Variants in NR1D2 observed in about 807,000 individuals in gnomAD.
NR1D2 encodes nuclear receptor subfamily 1 group D member 2, also known as V-erbA-related protein 1-related.
Under a neutral mutation model 52.2 loss-of-function variants are expected in NR1D2, and 25 were observed. The observed-to-expected ratio is 0.48, with a 90% CI of 0.35 to 0.67. The LOEUF (loss-of-function observed/expected upper bound fraction) is 0.67. Among genes scored for constraint, NR1D2 ranks in the 30% least tolerant of loss-of-function variants. The pLI, the probability that NR1D2 is intolerant of heterozygous loss-of-function variation, is 0.01. For missense variants in NR1D2, 681 were observed against 707.2 expected (o/e 0.96, Z 0.42); for synonymous variants, 259 against 230.1 (o/e 1.13, Z -1.14).
chr3:23,969,789 G>C (rs1309423454), intron 7 of NR1D2, among the ~76,000 whole-genome samples: 1 of 151,900 alleles, frequency 6.6e-6, no homozygotes, highest in African/African-American at 2.4e-5. Flanking sequence ...AGCTGGAGTT[G>C]TAGAAAGGAA....
intron 1 of NR1D2, chr3:23,946,153 GGAGGCCGCGCGTGCGCGCCCGCT>G (rs1201264122): frequency 2.6e-5 from 26 of 985,258 alleles, no homozygotes; most frequent in Non-Finnish European, 3.0e-5. Context: ...ACACTGCGGA[GGAGGCCGCGCGTGCGCGCCCGCT>G]GAGCCCCCGC....
At chr3:23,959,136 C>T (rs908978890) in intron 3 of NR1D2, among the ~76,000 whole-genome samples, 5 of 151,856 alleles carry the variant, frequency 3.3e-5, no homozygotes, top group African/African-American at 4.8e-5. Context: ...GGTGTGGTGG[C>T]GCATGCCTGT....
intron 1 of NR1D2, chr3:23,946,052 G>T: frequency 1.0e-6 from 1 of 969,800 alleles, no homozygotes; most frequent in East Asian, 1.2e-4. Context: ...CGCGCTGGCT[G>T]GGAGCGCCGC....
At chr3:23,971,450 G>A (rs1445468481) in intron 7 of NR1D2, among the ~76,000 whole-genome samples, 1 of 151,482 alleles carries the variant, frequency 6.6e-6, no homozygotes, top group Non-Finnish European at 1.5e-5. Context: ...TGTATTTTTA[G>A]TAGAGACAGG....
intron 5 of NR1D2, among the ~76,000 whole-genome samples, chr3:23,963,700 C>T (rs6777205): frequency 0.026 from 3,941 of 152,224 alleles, 174 homozygotes; most frequent in African/African-American, 0.089. Context: ...TCACCCACCT[C>T]GGCCTCCCAA....
At chr3:23,949,944 C>A (rs994989172) in intron 1 of NR1D2, among the ~76,000 whole-genome samples, 4 of 152,182 alleles carry the variant, frequency 2.6e-5, no homozygotes, top group African/African-American at 9.7e-5. Context: ...TGACTTAAGG[C>A]TTGTCTGAAG....
At chr3:23,961,852 A>C (rs1158619147) in intron 4 of NR1D2, 125 bp from the exon 5 acceptor site, 2 of 840,660 alleles carry the variant, frequency 2.4e-6, no homozygotes, top group Non-Finnish European at 3.5e-6. Context: ...TGGACCAGAG[A>C]CATGTAGACT....
At chr3:23,973,506 T>A (rs958297647) in intron 7 of NR1D2, among the ~76,000 whole-genome samples, 5 of 152,202 alleles carry the variant, frequency 3.3e-5, no homozygotes, top group African/African-American at 1.2e-4. Flanking sequence ...GGTATACTTG[T>A]GTAGGGCATT....
chr3:23,945,561 C>T lies in NR1D2; in HGVS notation c.-18C>T, dbSNP rs1385532974. On this transcript the variant is annotated 5_prime_UTR_variant, in exon 1 of 8. Transcript: ENST00000312521. Reference sequence around the variant, plus strand: ...TCTGCGGGAAGCGGGCGGCCCCGGCCGCCTCCGCGAGGGCACCATGGAGGT... The same window carrying T: ...TCTGCGGGAAGCGGGCGGCCCCGGCTGCCTCCGCGAGGGCACCATGGAGGT... The T allele has an allele frequency of 3.4e-6, 4 of 1,161,072 alleles. No individual in the cohort carries two copies. Among genetic ancestry groups the T allele is most frequent in the Non-Finnish European group, 4.3e-6 (4 of 935,908 alleles). 71.9% of individuals were successfully genotyped at this position (1,161,072 alleles called of 1,614,324 possible).
At position 23,945,512 on chromosome 3, in the gene NR1D2, G is replaced by GGCA; in HGVS notation, c.-65_-64insAGC. On this transcript the variant is annotated 5_prime_UTR_variant, in exon 1 of 8. Coordinates refer to ENST00000312521, the MANE Select transcript of NR1D2 (RefSeq NM_005126.5). ...CCAGCCCGGGGCGGCGCGGCGCTGA[G>GGCA]GCGGCGGCGGCGGCGCTGCCCCCTC... is the stretch of plus-strand genomic sequence containing the variant. The GGCA allele has an allele frequency of 1.1e-6, 1 of 913,050 alleles. No individual in the cohort carries two copies. The allele number at this position is 913,050 out of a possible 1,614,324, so 56.6% of individuals were successfully genotyped here.
Position 23,957,524 on chromosome 3 carries a change from G to A in NR1D2, c.372+1399G>A, listed in dbSNP as rs553771324. On this transcript the variant is annotated intron_variant, in intron 3 of 7. Transcript: ENST00000312521. The stretch of plus-strand genomic sequence containing the variant: ...GAGGTCAGGAGATCGAGACCATCCT[G>A]GCTAACATAGTGAAACCCTGTCTCT... 4.7e-5 allele frequency among the ~76,000 whole-genome samples: 7 copies of A among 148,502 alleles called. No homozygotes were observed. In the South Asian group the frequency reaches 1.1e-3, roughly 23 times the overall value.
At chr3:23,951,364 C>T (rs1387233720) in intron 1 of NR1D2, among the ~76,000 whole-genome samples, 1 of 152,156 alleles carries the variant, frequency 6.6e-6, no homozygotes, top group Admixed American at 6.5e-5. Flanking sequence ...GAATTTAGTA[C>T]TTAAGACACT....
intron 7 of NR1D2, among the ~76,000 whole-genome samples, chr3:23,972,757 G>A (rs1706623676): frequency 6.6e-6 from 1 of 152,170 alleles, no homozygotes; most frequent in Non-Finnish European, 1.5e-5. Flanking sequence ...CCATTTAGAA[G>A]ATGAATTTCC....
rs1553595252 is a variant in NR1D2, at chr3:23,950,885, C to CT, written c.17-3648dup. On this transcript the variant is annotated intron_variant, in intron 1 of 7. Transcript: ENST00000312521. Reference sequence around the variant, plus strand: ...CATCTGCATAGCTCTAATTTCTTTTCTTTTCTCTTTCTTTTTCTTTTTTTT... The same window carrying CT: ...CATCTGCATAGCTCTAATTTCTTTTCTTTTTCTCTTTCTTTTTCTTTTTTTT... 3.8e-5 allele frequency among the ~76,000 whole-genome samples: 5 copies of CT among 131,666 alleles called. No homozygotes were observed. The Admixed American group carries it at 3.9e-4, about 10-fold the overall frequency. The allele number at this position is 131,666 out of a possible 152,430, so 86.4% of individuals were successfully genotyped here.
At chr3:23,952,523 A>G (rs1239501889) in intron 1 of NR1D2, among the ~76,000 whole-genome samples, 2 of 151,946 alleles carry the variant, frequency 1.3e-5, no homozygotes, top group Non-Finnish European at 2.9e-5. Flanking sequence ...CAGCCTGGGC[A>G]ACATGGTGAA....
At chr3:23,974,088 C>CTTTTTTTTTTTTTTTTTTTTTTT (rs60587118) in intron 7 of NR1D2, among the ~76,000 whole-genome samples, 2 of 79,508 alleles carry the variant, frequency 2.5e-5, no homozygotes, top group East Asian at 3.9e-4. Context: ...TTACAGTTAC[C>CTTTTTTTTTTTTTTTTTTTTTTT]TTTTTTTTTT....
chr3:23,964,159 A>C (rs1291329510), intron 5 of NR1D2, among the ~76,000 whole-genome samples: 2 of 150,760 alleles, frequency 1.3e-5, no homozygotes, highest in South Asian at 4.2e-4. Flanking sequence ...GCTCACTGCA[A>C]CCTCCGCCTC....
chr3:23,945,753 C>T (rs906555982), intron 1 of NR1D2, among the ~76,000 whole-genome samples, 159 bp downstream of exon 1: 3 of 150,282 alleles, frequency 2.0e-5, no homozygotes, highest in African/African-American at 7.3e-5. Context: ...TCCCATCGCC[C>T]CCCGGGCCGC....
At chr3:23,958,663 A>G (rs2125288403) in intron 3 of NR1D2, among the ~76,000 whole-genome samples, 1 of 151,156 alleles carries the variant, frequency 6.6e-6, no homozygotes, top group South Asian at 2.1e-4. Context: ...AAAAAAAAAA[A>G]AAGCCTGGAC....
Sources: gnomAD v4.1 joint callset for allele counts (sites outside exome capture counted in the v4.1 genomes callset) on GRCh38, gnomAD v4.1.1 for gene constraint, MANE v1.5 for transcripts, NCBI Gene and HGNC (gene_info 2026-07-23, HGNC 2026-07-21) for gene names.